HS2ST1: variants seen among roughly 807,000 people sequenced by gnomAD.
HS2ST1 encodes heparan sulfate 2-O-sulfotransferase 1, also known as 2-O-sulfotransferase.
HS2ST1 carries 18 observed loss-of-function variants against 42.9 expected under a neutral mutation model. The ratio of observed to expected loss-of-function variants is 0.42; its 90% CI spans 0.29 to 0.62. HS2ST1 has a LOEUF of 0.62. Among genes scored for constraint, HS2ST1 ranks in the 20% least tolerant of loss-of-function variants. The probability of loss-of-function intolerance (pLI) is 0.21; values close to 1 mark genes in which losing one functional copy is unlikely to be tolerated. For missense variants in HS2ST1, 334 were observed against 433.8 expected (o/e 0.77, Z 2.04); for synonymous variants, 146 against 152.9 (o/e 0.95, Z 0.33).
intron 1 of HS2ST1, among the ~76,000 whole-genome samples, chr1:86,916,389 G>A (rs1660159139): frequency 6.6e-6 from 1 of 152,128 alleles, no homozygotes; most frequent in Non-Finnish European, 1.5e-5. Context: ...GTGAGTGGAT[G>A]ATTAATTTTT....
At chr1:86,948,845 C>A (rs1405081140) in intron 1 of HS2ST1, among the ~76,000 whole-genome samples, 1 of 152,014 alleles carries the variant, frequency 6.6e-6, no homozygotes, top group Admixed American at 6.6e-5. Flanking sequence ...GTACTTTGTT[C>A]AAGAGAGCTC....
chr1:86,967,988 C>A (rs941339105), intron 1 of HS2ST1, among the ~76,000 whole-genome samples: 3 of 152,140 alleles, frequency 2.0e-5, no homozygotes, highest in African/African-American at 7.2e-5. Context: ...AATGGCCATT[C>A]CTTCAGGAAT....
intron 1 of HS2ST1, among the ~76,000 whole-genome samples, chr1:87,010,620 A>C (rs1224362844): frequency 2.0e-5 from 3 of 152,158 alleles, no homozygotes; most frequent in Admixed American, 6.6e-5. Flanking sequence ...TCATATGTAG[A>C]CTAATACTAG....
intron 1 of HS2ST1, among the ~76,000 whole-genome samples, chr1:87,038,126 A>C (rs1256468363): frequency 1.3e-5 from 2 of 152,048 alleles, no homozygotes; most frequent in Non-Finnish European, 2.9e-5. Context: ...AATTTTATTT[A>C]GTTAGGTCAC....
In HS2ST1 at chr1:87,109,067, A is replaced by T. The variant is rs1276711482; in HGVS notation, c.*4371A>T. On this transcript the variant is annotated 3_prime_UTR_variant, in exon 7 of 7. Transcript: ENST00000370550. The stretch of plus-strand genomic sequence containing the variant: ...TTCCAACTTGAAACCATTTTGTCAC[A>T]TCTGTTGGAGAGATAATCACTCCTT... 1.3e-5 allele frequency: 2 copies of T among 152,420 alleles called. No individual in the cohort carries two copies. The highest frequency in any genetic ancestry group is 4.8e-5 in the African/African-American group (2 of 41,408). The allele number at this position is 152,420 out of a possible 1,614,324, so 9.4% of individuals were successfully genotyped here.
At chr1:87,064,128 G>A (rs1359164429) in intron 1 of HS2ST1, among the ~76,000 whole-genome samples, 1 of 152,186 alleles carries the variant, frequency 6.6e-6, no homozygotes, top group Non-Finnish European at 1.5e-5. Flanking sequence ...ATTGGCTACT[G>A]TAGAGTGGTT....
At chr1:87,101,409 G>A (rs183990418) in intron 5 of HS2ST1, among the ~76,000 whole-genome samples, 12 of 151,904 alleles carry the variant, frequency 7.9e-5, no homozygotes, top group African/African-American at 2.7e-4. Flanking sequence ...CAGGTAATCC[G>A]CCTGTCTCGG....
At chr1:87,096,385 A>G (rs1652066977) in intron 4 of HS2ST1, among the ~76,000 whole-genome samples, 1 of 152,208 alleles carries the variant, frequency 6.6e-6, no homozygotes, top group Non-Finnish European at 1.5e-5. Flanking sequence ...GGACTTTTCA[A>G]ATGTTAACAT....
chr1:86,924,157 C>T (rs2102156900), intron 1 of HS2ST1, among the ~76,000 whole-genome samples: 1 of 152,338 alleles, frequency 6.6e-6, no homozygotes, highest in South Asian at 2.1e-4. Flanking sequence ...GCAGTGAAAT[C>T]TTAAACCTTC....
chr1:87,106,625 A>T lies in HS2ST1; in HGVS notation c.*1929A>T, dbSNP rs1208163337. 6.6e-6 allele frequency: 1 copy of T among 152,070 alleles called. No homozygotes were observed. The highest frequency in any genetic ancestry group is 1.5e-5 in the Non-Finnish European group (1 of 67,956). The allele number at this position is 152,070 out of a possible 1,614,324, so 9.4% of individuals were successfully genotyped here. A position where few individuals can be genotyped will look rare whatever the true frequency, so the allele number is the denominator to read the frequency against. ...AGAATGACAGAACAATCATCTTAGC[A>T]CCCTTTCCTCACAATAATATAAAAA... On this transcript the variant is annotated 3_prime_UTR_variant, in exon 7 of 7. Coordinates refer to ENST00000370550, the MANE Select transcript of HS2ST1 (RefSeq NM_012262.4).
chr1:86,976,721 T>TATATATATATATATA (rs61660936), intron 1 of HS2ST1, among the ~76,000 whole-genome samples: 62 of 135,600 alleles, frequency 4.6e-4, no homozygotes, highest in East Asian at 1.2e-3. Flanking sequence ...TATATATATA[T>TATATATATATATATA]TTTAAATGCC....
chr1:87,057,826 G>T (rs958598231), intron 1 of HS2ST1, among the ~76,000 whole-genome samples: 3 of 151,396 alleles, frequency 2.0e-5, no homozygotes, highest in African/African-American at 7.4e-5. Context: ...ACTCCAGCCT[G>T]GGCGACAGAG....
chr1:87,100,996 T>C (rs535887511), intron 5 of HS2ST1, among the ~76,000 whole-genome samples: 1 of 152,210 alleles, frequency 6.6e-6, no homozygotes, highest in South Asian at 2.1e-4. Flanking sequence ...TCTGCCTCCC[T>C]TTAAAATGTA....
At chr1:86,936,754 A>G (rs151272227) in intron 1 of HS2ST1, among the ~76,000 whole-genome samples, 247 of 152,226 alleles carry the variant, frequency 1.6e-3, no homozygotes, top group Non-Finnish European at 2.6e-3. Flanking sequence ...AACTATTCAG[A>G]TGAATTTCAT....
intron 1 of HS2ST1, among the ~76,000 whole-genome samples, chr1:86,922,170 T>TTG (rs1289713875): frequency 1.3e-5 from 1 of 76,762 alleles, no homozygotes; most frequent in African/African-American, 1.3e-4. Flanking sequence ...TTTGTTGTTG[T>TTG]TTTTTTTTTA....
intron 1 of HS2ST1, among the ~76,000 whole-genome samples, chr1:86,927,130 G>A (rs1005934837): frequency 1.3e-5 from 2 of 152,080 alleles, no homozygotes; most frequent in African/African-American, 4.8e-5. Context: ...TCTGTTCAGA[G>A]GCTTCTTTCC....
chr1:87,057,976 AC>A (rs34470488), intron 1 of HS2ST1, among the ~76,000 whole-genome samples: 1 of 151,506 alleles, frequency 6.6e-6, no homozygotes, highest in South Asian at 2.1e-4. Context: ...CCTTCCTCCC[AC>A]CCAGTTGTTA....
At position 87,073,122 on chromosome 1, in the gene HS2ST1, C is replaced by T. The variant is rs1406916255; in HGVS notation, c.313C>T (p.Leu105Phe). The T allele has an allele frequency of 3.1e-6, 5 of 1,613,754 alleles. No homozygotes were observed. The Admixed American group carries it at 8.3e-5, about 27-fold the overall frequency. ...GTGTGCAAAGAATAAATACCATGTC[C>T]TTCATATCAACACTACCAAAAATAA... ...DLCAKNKYHVLHINTTKNNPV... is the reference protein window; with the variant it reads ...DLCAKNKYHVFHINTTKNNPV... The change falls in exon 2 of 7, where the codon CTT becomes TTT. Residue 105 changes from leucine to phenylalanine, a missense_variant. Physicochemically the swap from Leu to Phe is conservative, Grantham distance 22. Transcript: ENST00000370550.
chr1:87,106,840 C>G lies in HS2ST1; in HGVS notation c.*2144C>G, dbSNP rs1479477709. The G allele has an allele frequency of 6.6e-6, 1 of 151,976 alleles. No homozygotes were observed. The highest frequency in any genetic ancestry group is 1.9e-4 in the East Asian group (1 of 5,190). The allele number at this position is 151,976 out of a possible 1,614,324, so 9.4% of individuals were successfully genotyped here. On this transcript the variant is annotated 3_prime_UTR_variant, in exon 7 of 7. Coordinates refer to ENST00000370550, the MANE Select transcript of HS2ST1 (RefSeq NM_012262.4). ...CCCAGTATGCAAGTTATTCTTGCACCACATGCTCAAATCTTCTTGAGGTGC... is the reference window on the plus strand; with the variant it reads ...CCCAGTATGCAAGTTATTCTTGCACGACATGCTCAAATCTTCTTGAGGTGC...
Sources: allele counts gnomAD v4.1 joint callset (sites outside exome capture counted in the v4.1 genomes callset), GRCh38; gene constraint gnomAD v4.1.1; transcripts MANE v1.5; gene names NCBI Gene and HGNC (gene_info 2026-07-23, HGNC 2026-07-21).